ITPR1: variants seen among roughly 807,000 people sequenced by gnomAD.
ITPR1 encodes the protein inositol 1,4,5-trisphosphate-gated calcium channel ITPR1.
In ITPR1, 96 loss-of-function variants were observed where a neutral mutation model predicts 318.4. The ratio of observed to expected loss-of-function variants is 0.30; its 90% confidence interval spans 0.26 to 0.36. The LOEUF is 0.36. Ranked by LOEUF, ITPR1 falls within the 10% of genes least tolerant of loss-of-function variation. The probability of loss-of-function intolerance (pLI) is 1.00; values close to 1 mark genes in which losing one functional copy is unlikely to be tolerated. For missense variants in ITPR1, 2,440 were observed against 3,460.2 expected (o/e 0.71, Z 7.40); for synonymous variants, 1,312 against 1,289.9 (o/e 1.02, Z -0.37).
chr3:4,735,401 A>G, intron 44 of ITPR1, 47 bp downstream of exon 44: 1 of 1,509,890 alleles, frequency 6.6e-7, no homozygotes, highest in Non-Finnish European at 9.2e-7. Flanking sequence ...GCTGAGCAGG[A>G]GGAGAGTCTG....
intron 44 of ITPR1, among the ~76,000 whole-genome samples, chr3:4,748,792 T>G (rs778078950): frequency 1.3e-5 from 2 of 152,236 alleles, no homozygotes; most frequent in Non-Finnish European, 2.9e-5. Context: ...ACTCCCTCGG[T>G]TATCAGCTGC....
intron 36 of ITPR1, among the ~76,000 whole-genome samples, chr3:4,704,280 C>T (rs755458775): frequency 3.9e-5 from 6 of 152,308 alleles, no homozygotes; most frequent in South Asian, 2.1e-4. Flanking sequence ...GGCATGGCGG[C>T]GCATGCCTGT....
intron 60 of ITPR1, among the ~76,000 whole-genome samples, chr3:4,836,171 A>G (rs2050899380): frequency 6.6e-6 from 1 of 152,204 alleles, no homozygotes; most frequent in African/African-American, 2.4e-5. Context: ...AATGCATTTT[A>G]AAATACACAG....
intron 5 of ITPR1, among the ~76,000 whole-genome samples, chr3:4,633,548 G>A (rs555888104): frequency 3.8e-4 from 58 of 152,286 alleles, no homozygotes; most frequent in African/African-American, 1.4e-3. Context: ...ACTAGGATGA[G>A]CAACATCAAC....
chr3:4,499,401 A>G (rs1474448669), intron 2 of ITPR1, among the ~76,000 whole-genome samples: 1 of 152,150 alleles, frequency 6.6e-6, no homozygotes, highest in African/African-American at 2.4e-5. Context: ...ATAAACAGAC[A>G]TCTGTGTCTC....
intron 33 of ITPR1, among the ~76,000 whole-genome samples, chr3:4,696,144 G>C (rs2094554293): frequency 6.6e-6 from 1 of 152,164 alleles, no homozygotes; most frequent in Admixed American, 6.5e-5. Context: ...TGATTCACTT[G>C]TTTAAAGTGT....
intron 44 of ITPR1, among the ~76,000 whole-genome samples, chr3:4,747,474 C>T (rs1057394347): frequency 6.6e-6 from 1 of 152,208 alleles, no homozygotes; most frequent in Non-Finnish European, 1.5e-5. Flanking sequence ...AAGGACTTTG[C>T]GTCTGTTTGC....
chr3:4,533,577 G>A (rs887301156), intron 4 of ITPR1, among the ~76,000 whole-genome samples: 9 of 152,216 alleles, frequency 5.9e-5, no homozygotes, highest in Non-Finnish European at 1.2e-4. Context: ...AGCAGCTTTC[G>A]GGACATCTCT....
At chr3:4,812,905 G>A (rs1423667322) in intron 56 of ITPR1, 1 of 534,456 alleles carries the variant, frequency 1.9e-6, no homozygotes, top group Non-Finnish European at 3.4e-6. Flanking sequence ...AAGTTGGAGA[G>A]GTGCTATTTA....
intron 4 of ITPR1, among the ~76,000 whole-genome samples, chr3:4,537,932 G>C (rs1017934597): frequency 2.6e-5 from 4 of 151,962 alleles, no homozygotes; most frequent in Non-Finnish European, 4.4e-5. Flanking sequence ...AATAAGCACT[G>C]ACCCATGTTT....
At chr3:4,760,823 G>A (rs538814305) in intron 44 of ITPR1, among the ~76,000 whole-genome samples, 5 of 152,232 alleles carry the variant, frequency 3.3e-5, no homozygotes, top group East Asian at 1.9e-4. Context: ...CCTCCACAGC[G>A]AAGGCTCCTT....
intron 34 of ITPR1, among the ~76,000 whole-genome samples, chr3:4,698,226 T>C (rs1003364100): frequency 1.3e-5 from 2 of 152,210 alleles, no homozygotes; most frequent in Non-Finnish European, 2.9e-5. Context: ...CATTGTGGTG[T>C]GAAAAAGGTG....
intron 3 of ITPR1, among the ~76,000 whole-genome samples, chr3:4,520,010 A>G (rs2124925343): frequency 6.6e-6 from 1 of 152,318 alleles, no homozygotes; most frequent in East Asian, 1.9e-4. Context: ...GCAAAAGGGA[A>G]TCTTGGAGAA....
intron 44 of ITPR1, chr3:4,751,500 A>G (rs2044516508): frequency 6.6e-6 from 1 of 152,224 alleles, no homozygotes; most frequent in Non-Finnish European, 1.5e-5. Context: ...GTTAGGATGA[A>G]AAGTTCTTAG....
intron 4 of ITPR1, among the ~76,000 whole-genome samples, chr3:4,616,393 C>T (rs937555455): frequency 2.0e-5 from 3 of 152,104 alleles, no homozygotes; most frequent in African/African-American, 7.2e-5. Context: ...AATCTTAACC[C>T]CCTTGGTGGG....
At chr3:4,698,932 G>A (rs141763977) in intron 34 of ITPR1, among the ~76,000 whole-genome samples, 3 of 152,308 alleles carry the variant, frequency 2.0e-5, no homozygotes, top group Non-Finnish European at 2.9e-5. Context: ...GAGTACGGGT[G>A]AAATCGTAGG....
intron 60 of ITPR1, among the ~76,000 whole-genome samples, chr3:4,833,335 T>C (rs1382420034): frequency 2.0e-5 from 3 of 152,340 alleles, no homozygotes; most frequent in South Asian, 4.1e-4. Flanking sequence ...ATGTGCAGAC[T>C]CTTGCATTGG....
intron 4 of ITPR1, among the ~76,000 whole-genome samples, chr3:4,567,893 C>T (rs766284042): frequency 6.6e-6 from 1 of 152,158 alleles, no homozygotes; most frequent in East Asian, 1.9e-4. Context: ...TGTGAGCCAC[C>T]GTGCCCCACC....
chr3:4,844,352 G>A (rs1019703512), intron 61 of ITPR1, among the ~76,000 whole-genome samples: 1 of 152,040 alleles, frequency 6.6e-6, no homozygotes, highest in Non-Finnish European at 1.5e-5. Context: ...TCGAACTCCT[G>A]GGCTCAAGCA....
Sources: gnomAD v4.1 joint callset for allele counts (sites outside exome capture counted in the v4.1 genomes callset) on GRCh38, gnomAD v4.1.1 for gene constraint, MANE v1.5 for transcripts, NCBI Gene and HGNC (gene_info 2026-07-23, HGNC 2026-07-21) for gene names.